The following RABGAP1L variants were observed in gnomAD, a reference collection of about 807,000 sequenced individuals.
RABGAP1L encodes rab GTPase-activating protein 1-like.
Under a neutral mutation model 137.7 loss-of-function variants are expected in RABGAP1L, and 63 were observed. The observed-to-expected ratio is 0.46, with a 90% CI of 0.37 to 0.56. The LOEUF (loss-of-function observed/expected upper bound fraction) is 0.56, where lower values mean the gene tolerates loss of function less well. RABGAP1L is among the 20% of genes least tolerant of loss of function. The probability of loss-of-function intolerance (pLI) is 0.00; values close to 1 mark genes in which losing one functional copy is unlikely to be tolerated. For missense variants in RABGAP1L, 1,095 were observed against 1,244.0 expected, an observed-to-expected ratio of 0.88 and a Z score of 1.80; for synonymous variants, 431 against 433.7, an observed-to-expected ratio of 0.99 and a Z score of 0.08.
chr1:174,362,220 T>C (rs1344756944), intron 11 of RABGAP1L, among the ~76,000 whole-genome samples: 3 of 152,244 alleles, frequency 2.0e-5, no homozygotes, highest in African/African-American at 4.8e-5. Context: ...TCTTTGCTAT[T>C]GTGAATCGTT....
chr1:174,900,521 T>A (rs1317683575), intron 19 of RABGAP1L, among the ~76,000 whole-genome samples: 1 of 152,038 alleles, frequency 6.6e-6, no homozygotes, highest in Non-Finnish European at 1.5e-5. Flanking sequence ...TGAAGTGGAG[T>A]TGCAAAGCCA....
At chr1:174,977,735 C>T (rs1670770516) in intron 22 of RABGAP1L, among the ~76,000 whole-genome samples, 1 of 152,210 alleles carries the variant, frequency 6.6e-6, no homozygotes, top group African/African-American at 2.4e-5. Context: ...TCTGTCCTAA[C>T]ATCTATGGGG....
intron 19 of RABGAP1L, among the ~76,000 whole-genome samples, chr1:174,946,990 G>GTA (rs1342184149): frequency 2.5e-4 from 23 of 92,596 alleles, no homozygotes; most frequent in Admixed American, 5.9e-4. Context: ...GTATATATAT[G>GTA]TATATATATA....
intron 17 of RABGAP1L, among the ~76,000 whole-genome samples, chr1:174,715,019 A>G (rs1680887219): frequency 6.6e-6 from 1 of 152,218 alleles, no homozygotes; most frequent in African/African-American, 2.4e-5. Flanking sequence ...GTTTTAATAT[A>G]GGGCGTAATC....
intron 13 of RABGAP1L, among the ~76,000 whole-genome samples, chr1:174,486,390 A>T (rs1659659259): frequency 6.8e-6 from 1 of 147,586 alleles, no homozygotes; most frequent in Non-Finnish European, 1.5e-5. Flanking sequence ...TCTGTTGCCC[A>T]GGCTGGAGTG....
Position 174,835,891 on chromosome 1 carries a change from C to T in RABGAP1L, c.2340+23931C>T, listed in dbSNP as rs184459369. On this transcript the variant is annotated intron_variant, in intron 19 of 25. Transcript: ENST00000681986. Reference sequence around the variant, plus strand: ...TATGCAGCTTTCATGCTGTCTATCCCTTGTGTCAACTGGATATTGGCACCC... The same window carrying T: ...TATGCAGCTTTCATGCTGTCTATCCTTTGTGTCAACTGGATATTGGCACCC... 4.3e-4 allele frequency among the ~76,000 whole-genome samples: 66 copies of T among 152,258 alleles called. No individual in the cohort carries two copies. The East Asian group carries it at 0.012, about 28-fold the overall frequency.
chr1:174,272,449 TGAA>T lies in RABGAP1L; in HGVS notation c.1026_1028del (p.Lys342del), dbSNP rs1300098933. 2 of 1,601,860 alleles carry T rather than the reference TGAA, an allele frequency of 1.2e-6. No homozygotes were observed. Among genetic ancestry groups the T allele is most frequent in the African/African-American group, 1.3e-5 (1 of 74,260 alleles). On this transcript the variant is annotated inframe_deletion, in exon 8 of 26. Coordinates refer to ENST00000681986, the MANE Select transcript of RABGAP1L (RefSeq NM_001366446.1). Reference sequence around the variant, plus strand: ...ATGTTATTAAGCCCAGGTCGAAACGTGAAGAACAGTGACATGCATTTACTGGAT... The same window carrying T: ...ATGTTATTAAGCCCAGGTCGAAACGTGAACAGTGACATGCATTTACTGGAT...
chr1:174,178,721 CTAACA>C (rs1263536512), intron 1 of RABGAP1L, among the ~76,000 whole-genome samples: 1 of 152,132 alleles, frequency 6.6e-6, no homozygotes, highest in African/African-American at 2.4e-5. Context: ...TCTCAACAAA[CTAACA>C]AAGGAACAGA....
intron 13 of RABGAP1L, among the ~76,000 whole-genome samples, chr1:174,417,168 T>C (rs1650694702): frequency 6.6e-6 from 1 of 152,192 alleles, no homozygotes. Flanking sequence ...TAACTTATTC[T>C]TCTTATATCC....
chr1:174,658,402 G>A (rs1443145633), intron 14 of RABGAP1L, among the ~76,000 whole-genome samples: 2 of 152,138 alleles, frequency 1.3e-5, no homozygotes, highest in African/African-American at 4.8e-5. Context: ...TCCAACAGCA[G>A]AAGATTAATC....
intron 13 of RABGAP1L, among the ~76,000 whole-genome samples, chr1:174,418,859 T>C (rs1650918573): frequency 1.3e-5 from 2 of 152,114 alleles, no homozygotes; most frequent in African/African-American, 4.8e-5. Context: ...GGCAACATGA[T>C]GAAACCCTGT....
chr1:174,475,219 T>G (rs1170370201), intron 13 of RABGAP1L, among the ~76,000 whole-genome samples: 1 of 152,138 alleles, frequency 6.6e-6, no homozygotes, highest in East Asian at 1.9e-4. Flanking sequence ...TCATTTCTGA[T>G]AAACTCCTAG....
At chr1:174,935,971 ACCTC>A (rs1664717072) in intron 19 of RABGAP1L, among the ~76,000 whole-genome samples, 1 of 130,244 alleles carries the variant, frequency 7.7e-6, no homozygotes, top group Non-Finnish European at 1.6e-5. Flanking sequence ...ACAAGAGTAA[ACCTC>A]CATCTCACCA....
In RABGAP1L at chr1:174,222,154, A is replaced by G. The variant is rs548344871; in HGVS notation, c.331+990A>G. ...CCTGGCCTGTTTTACGGATTAAATA[A>G]AAGTTCTGAGTTTTACTCTGATTGG... On this transcript the variant is annotated intron_variant, in intron 3 of 25. Coordinates refer to ENST00000681986, the MANE Select transcript of RABGAP1L (RefSeq NM_001366446.1). Among the ~76,000 whole-genome samples, 202 of 152,282 alleles carry G rather than the reference A, an allele frequency of 1.3e-3. 1 individual carries two copies. Among genetic ancestry groups the G allele is most frequent in the African/African-American group, 4.6e-3 (191 of 41,568 alleles).
intron 13 of RABGAP1L, among the ~76,000 whole-genome samples, chr1:174,409,969 C>T (rs1013311109): frequency 3.3e-5 from 5 of 152,096 alleles, no homozygotes; most frequent in African/African-American, 1.2e-4. Context: ...TTTGCTTTGC[C>T]CTTTGCCCTG....
intron 13 of RABGAP1L, among the ~76,000 whole-genome samples, chr1:174,519,108 TAC>T (rs1023502727): frequency 6.0e-5 from 9 of 149,730 alleles, no homozygotes; most frequent in Admixed American, 2.0e-4. Flanking sequence ...CACACACACA[TAC>T]ACACACACAC....
chr1:174,216,642 A>G (rs1571593977), intron 1 of RABGAP1L, among the ~76,000 whole-genome samples: 2 of 116,076 alleles, frequency 1.7e-5, no homozygotes, highest in East Asian at 2.5e-4. Flanking sequence ...TCTTCCTTTT[A>G]TCACATAGAT....
intron 18 of RABGAP1L, among the ~76,000 whole-genome samples, chr1:174,782,281 C>T (rs187633227): frequency 1.3e-5 from 2 of 152,166 alleles, no homozygotes; most frequent in African/African-American, 2.4e-5. Flanking sequence ...AGGTCCTTCA[C>T]ATCCCTTGTA....
rs78661642 is a variant in RABGAP1L, at chr1:174,608,898, T to A, written c.1711-28477T>A. On this transcript the variant is annotated intron_variant, in intron 13 of 25. Transcript: ENST00000681986. ...GTAGTGCCAAAAAAGAACACATGGT[T>A]TAGCTGGCCCAAACAATGGTTAGTT... is the stretch of plus-strand genomic sequence containing the variant. Among the ~76,000 whole-genome samples, 1,456 of 152,262 alleles carry A rather than the reference T, an allele frequency of 9.6e-3. 7 individuals carry two copies. The highest frequency in any genetic ancestry group is 0.015 in the Non-Finnish European group (1,049 of 68,000).
Sources: allele counts gnomAD v4.1 joint callset (sites outside exome capture counted in the v4.1 genomes callset), GRCh38; gene constraint gnomAD v4.1.1; transcripts MANE v1.5; gene names NCBI Gene and HGNC (gene_info 2026-07-23, HGNC 2026-07-21).